Variants in NUP93 observed in about 807,000 individuals in gnomAD.
NUP93 encodes nuclear pore complex protein Nup93.
A neutral mutation model predicts 107.8 loss-of-function variants in NUP93; 55 were observed. The observed-to-expected ratio is 0.51, with a 90% CI of 0.41 to 0.64. The LOEUF (loss-of-function observed/expected upper bound fraction) is 0.64. Among genes scored for constraint, NUP93 ranks in the 30% least tolerant of loss-of-function variants. The pLI is 0.00. For synonymous variants in NUP93, 390 were observed against 397.5 expected (o/e 0.98, Z 0.22); for missense variants, 937 against 1,044.7 (o/e 0.90, Z 1.42).
intron 5 of NUP93, among the ~76,000 whole-genome samples, chr16:56,817,765 T>C (rs1426141651): frequency 3.3e-5 from 5 of 152,234 alleles, no homozygotes; most frequent in African/African-American, 1.2e-4. Flanking sequence ...TATTTAAATA[T>C]ATACATACTT....
intron 2 of NUP93, among the ~76,000 whole-genome samples, chr16:56,756,923 T>C (rs1441802433): frequency 6.6e-6 from 1 of 152,204 alleles, no homozygotes; most frequent in African/African-American, 2.4e-5. Context: ...ATATGTTTGT[T>C]GGCTGCATAA....
chr16:56,828,945 C>T, intron 8 of NUP93, 32 bp from the exon 9 acceptor site: 1 of 1,608,188 alleles, frequency 6.2e-7, no homozygotes, highest in Non-Finnish European at 8.5e-7. Flanking sequence ...TGTTTTCAGT[C>T]TTCCCTGTTT....
intron 3 of NUP93, among the ~76,000 whole-genome samples, chr16:56,766,715 C>T (rs11076170): frequency 0.016 from 2,412 of 152,284 alleles, 35 homozygotes; most frequent in Non-Finnish European, 0.026. Flanking sequence ...GGCCTGCAGC[C>T]TGATGTGGCA....
At position 56,805,363 on chromosome 16, in the gene NUP93, G is replaced by C. The variant is rs1214371276; in HGVS notation, c.361-141G>C. ...ACGCTCAGCCAGTAAATTCTTCAAAGATAATTTTTAAAGTAGATTGCTTTT... is the reference window on the plus strand; with the variant it reads ...ACGCTCAGCCAGTAAATTCTTCAAACATAATTTTTAAAGTAGATTGCTTTT... On this transcript the variant is annotated intron_variant, in intron 4 of 21. Transcript: ENST00000308159. 3.4e-6 allele frequency: 3 copies of C among 880,478 alleles called. No individual in the cohort carries two copies. In the African/African-American group the frequency reaches 5.1e-5, roughly 15 times the overall value. The allele number at this position is 880,478 out of a possible 1,614,324, so 54.5% of individuals were successfully genotyped here.
intron 3 of NUP93, among the ~76,000 whole-genome samples, chr16:56,794,260 T>C (rs978259146): frequency 1.3e-5 from 2 of 152,168 alleles, no homozygotes; most frequent in Non-Finnish European, 1.5e-5. Flanking sequence ...AAATTCAAAA[T>C]CTATTTTGTG....
In NUP93 at chr16:56,798,473, T is replaced by C. The variant is rs1269374935; in HGVS notation, c.298-3T>C. On this transcript the variant is annotated splice_region_variant and splice_polypyrimidine_tract_variant and intron_variant, in intron 3 of 21. Coordinates refer to ENST00000308159, the MANE Select transcript of NUP93 (RefSeq NM_014669.5). ...AGTTGTGTTAATTTTCCCCCATTTA[T>C]AGGGCTTCCTGAAGAATGAGAAGGA... 3 of 1,613,770 alleles carry C rather than the reference T, an allele frequency of 1.9e-6. No homozygotes were observed. The highest frequency in any genetic ancestry group is 4.5e-5 in the East Asian group (2 of 44,880).
At chr16:56,794,483 ATC>A (rs1962844932) in intron 3 of NUP93, among the ~76,000 whole-genome samples, 1 of 152,062 alleles carries the variant, frequency 6.6e-6, no homozygotes, top group African/African-American at 2.4e-5. Flanking sequence ...TTGAAATTTC[ATC>A]TCTCAGAAAT....
Position 56,841,697 on chromosome 16 carries a change from C to G in NUP93, c.2221-8C>G. 1 of 1,613,462 alleles carries G rather than the reference C, an allele frequency of 6.2e-7. No homozygotes were observed. Among genetic ancestry groups the G allele is most frequent in the Middle Eastern group, 1.7e-4 (1 of 6,048 alleles). Reference sequence around the variant, plus strand: ...CTTTTTCTTTACTCTGTTTTTCTCTCTATGTAGATCAGGCACAACCTCTCA... The same window carrying G: ...CTTTTTCTTTACTCTGTTTTTCTCTGTATGTAGATCAGGCACAACCTCTCA... On this transcript the variant is annotated splice_polypyrimidine_tract_variant and splice_region_variant and intron_variant, in intron 20 of 21. Coordinates refer to ENST00000308159, the MANE Select transcript of NUP93 (RefSeq NM_014669.5).
rs145768086 is a variant in NUP93, at chr16:56,772,782, G to A, written c.297+14127G>A. On this transcript the variant is annotated intron_variant, in intron 3 of 21. Transcript: ENST00000308159. ...CCCTGAAGTGCATTTCCTTACTTTG[G>A]CCATTGCCTGAAGCCTCTGCTAATT... is the stretch of plus-strand genomic sequence containing the variant. 2.0e-3 allele frequency among the ~76,000 whole-genome samples: 299 copies of A among 152,282 alleles called. 3 individuals carry two copies. The highest frequency in any genetic ancestry group is 6.6e-3 in the African/African-American group (275 of 41,546).
chr16:56,747,948 A>C, intron 1 of NUP93: 1 of 200,264 alleles, frequency 5.0e-6, no homozygotes, highest in Non-Finnish European at 1.0e-5. Context: ...GGAGACAGGA[A>C]TTCTGGTCTG....
rs778021577 is a variant in NUP93, at chr16:56,798,567, A to G, written c.360+29A>G. On this transcript the variant is annotated intron_variant, in intron 4 of 21. Coordinates refer to ENST00000308159, the MANE Select transcript of NUP93 (RefSeq NM_014669.5). ...AGAAAATTAACCAAAATGTAGATGT[A>G]TACAGATGAGGGCAAGAGGGCTGGG... 8.2e-6 allele frequency: 13 copies of G among 1,590,500 alleles called. No individual in the cohort carries two copies. In the African/African-American group the frequency reaches 1.2e-4, roughly 15 times the overall value.
chr16:56,836,649 A>G lies in NUP93; in HGVS notation c.1831A>G (p.Lys611Glu), dbSNP rs752845485. ...TAGTGACACAAAGCCTATTATCAAC[A>G]AAGTTGCTTCTGTGGCAGAAAATAA... ...FTSDTKPIIN[K>E]VASVAENKGL... Residue 611 changes from lysine (K) to glutamate (E), a missense_variant, in exon 17 of 22, where the codon AAA becomes GAA. Lys to Glu is a moderately conservative substitution (Grantham distance 56). Coordinates refer to ENST00000308159, the MANE Select transcript of NUP93 (RefSeq NM_014669.5). 1 of 1,614,178 alleles carries G rather than the reference A, an allele frequency of 6.2e-7. No individual in the cohort carries two copies. The highest frequency in any genetic ancestry group is 1.3e-5 in the African/African-American group (1 of 75,078).
At chr16:56,814,232 A>T (rs1963373180) in intron 5 of NUP93, among the ~76,000 whole-genome samples, 2 of 152,114 alleles carry the variant, frequency 1.3e-5, no homozygotes, top group South Asian at 4.2e-4. Context: ...CCAGGTTGGA[A>T]TGCGGTGGCG....
Position 56,805,452 on chromosome 16 carries a change from G to GT in NUP93, c.361-44dup, listed in dbSNP as rs1397454655. On this transcript the variant is annotated intron_variant, in intron 4 of 21. Coordinates refer to ENST00000308159, the MANE Select transcript of NUP93 (RefSeq NM_014669.5). ...AGGTTTCTGTTGGGTCTTAAACCATGTTTTTTTTGTTTTTTTCCTGAGGGT... is the reference window on the plus strand; with the variant it reads ...AGGTTTCTGTTGGGTCTTAAACCATGTTTTTTTTTGTTTTTTTCCTGAGGGT... 179 of 1,602,500 alleles carry GT rather than the reference G, an allele frequency of 1.1e-4. 1 individual carries two copies. Among genetic ancestry groups the GT allele is most frequent in the Middle Eastern group, 3.3e-4 (2 of 6,050 alleles).
At chr16:56,774,786 G>A (rs1233042671) in intron 3 of NUP93, among the ~76,000 whole-genome samples, 1 of 152,048 alleles carries the variant, frequency 6.6e-6, no homozygotes, top group East Asian at 1.9e-4. Flanking sequence ...GAACCCAGTT[G>A]TTCTGACTCT....
intron 2 of NUP93, among the ~76,000 whole-genome samples, chr16:56,757,440 C>G (rs192317902): frequency 9.9e-4 from 151 of 152,286 alleles, no homozygotes; most frequent in African/African-American, 3.6e-3. Context: ...GAGCAAGACC[C>G]TGTCTGAAAA....
intron 3 of NUP93, among the ~76,000 whole-genome samples, chr16:56,774,218 T>C (rs1291191329): frequency 6.6e-6 from 1 of 152,220 alleles, no homozygotes; most frequent in African/African-American, 2.4e-5. Context: ...TCTGCAAATG[T>C]TAATAATTCA....
intron 3 of NUP93, chr16:56,782,218 G>A: frequency 1.0e-6 from 1 of 985,328 alleles, no homozygotes; most frequent in Non-Finnish European, 1.2e-6. Context: ...GCTGCAGGTA[G>A]GATTGGCCGT....
chr16:56,798,565 G>A (rs976487673), intron 4 of NUP93, 27 bp downstream of exon 4: 3 of 1,590,518 alleles, frequency 1.9e-6, no homozygotes, highest in Non-Finnish European at 2.6e-6. Context: ...AAATGTAGAT[G>A]TATACAGATG....
Sources: allele counts gnomAD v4.1 joint callset (sites outside exome capture counted in the v4.1 genomes callset), GRCh38; gene constraint gnomAD v4.1.1; transcripts MANE v1.5; gene names NCBI Gene and HGNC (gene_info 2026-07-23, HGNC 2026-07-21).